The following LRRC4C variants were observed in gnomAD, a reference collection of about 807,000 sequenced individuals.
The protein encoded by LRRC4C is leucine rich repeat containing 4C, also known as leucine-rich repeat-containing protein 4C.
Under a neutral mutation model 33.6 loss-of-function variants are expected in LRRC4C, and 5 were observed. That is an observed-to-expected ratio of 0.15 (90% confidence interval 0.08 to 0.31). The LOEUF (loss-of-function observed/expected upper bound fraction) is 0.31, where lower values mean the gene tolerates loss of function less well. Among genes scored for constraint, LRRC4C ranks in the 10% least tolerant of loss-of-function variants. The pLI is 1.00. For missense variants in LRRC4C, 560 were observed against 796.7 expected (o/e 0.70, Z 3.58); for synonymous variants, 329 against 302.0 (o/e 1.09, Z -0.93).
At chr11:41,158,949 C>T (rs752040419) in intron 1 of LRRC4C, among the ~76,000 whole-genome samples, 2 of 151,980 alleles carry the variant, frequency 1.3e-5, no homozygotes, top group Non-Finnish European at 2.9e-5. Flanking sequence ...AGAAATAAGA[C>T]AAAAGGAAAT....
intron 2 of LRRC4C, among the ~76,000 whole-genome samples, chr11:40,781,173 T>C (rs946033056): frequency 1.3e-5 from 2 of 152,080 alleles, no homozygotes; most frequent in Non-Finnish European, 2.9e-5. Flanking sequence ...ATGGTAAATA[T>C]TTGTGTATCT....
In LRRC4C at chr11:40,342,032, A is replaced by G. The variant is rs150284122; in HGVS notation, c.-269-22311T>C. On this transcript the variant is annotated intron_variant, in intron 3 of 6. Transcript: ENST00000528697. ...AAAACAAAATAAGTCTTTTTAAAGA[A>G]AATACAGCAAAGCTTATCTGTAGCC... Among the ~76,000 whole-genome samples the G allele has an allele frequency of 1.5e-3, 223 of 152,208 alleles. 3 individuals are homozygous for G. In the East Asian group the frequency reaches 0.036, roughly 25 times the overall value.
chr11:40,909,085 A>G (rs1956552363), intron 2 of LRRC4C, among the ~76,000 whole-genome samples: 1 of 152,080 alleles, frequency 6.6e-6, no homozygotes, highest in Admixed American at 6.5e-5. Flanking sequence ...TATATAACAG[A>G]CATTTAACAT....
At chr11:40,298,496 C>A (rs1339285409) in intron 4 of LRRC4C, among the ~76,000 whole-genome samples, 1 of 150,530 alleles carries the variant, frequency 6.6e-6, no homozygotes, top group Non-Finnish European at 1.5e-5. Flanking sequence ...TTGGCAATGG[C>A]AGAAATCCAA....
chr11:40,127,032 C>G (rs142588340), intron 6 of LRRC4C, among the ~76,000 whole-genome samples: 2 of 151,986 alleles, frequency 1.3e-5, no homozygotes, highest in East Asian at 3.9e-4. Context: ...ATAATCCCAG[C>G]ACTTTGGAAG....
At chr11:41,306,518 G>A (rs1950509695) in intron 1 of LRRC4C, among the ~76,000 whole-genome samples, 1 of 152,184 alleles carries the variant, frequency 6.6e-6, no homozygotes, top group African/African-American at 2.4e-5. Context: ...AATACACACT[G>A]CGCATATACT....
chr11:40,249,479 G>T (rs1866605858), intron 4 of LRRC4C, among the ~76,000 whole-genome samples: 1 of 151,448 alleles, frequency 6.6e-6, no homozygotes, highest in Non-Finnish European at 1.5e-5. Context: ...ATTAAAGATG[G>T]ATTCAAAGGT....
intron 1 of LRRC4C, among the ~76,000 whole-genome samples, chr11:41,298,782 C>T (rs902440899): frequency 1.3e-5 from 2 of 151,226 alleles, no homozygotes; most frequent in South Asian, 2.1e-4. Flanking sequence ...TTTCTCATCT[C>T]CCACCCACCC....
At chr11:40,569,568 GTA>G (rs149216761) in intron 3 of LRRC4C, among the ~76,000 whole-genome samples, 10 of 151,528 alleles carry the variant, frequency 6.6e-5, no homozygotes, top group Non-Finnish European at 1.2e-4. Context: ...GTTTATGCGT[GTA>G]TATATATATA....
At chr11:40,988,026 A>G (rs1853199574) in intron 1 of LRRC4C, among the ~76,000 whole-genome samples, 1 of 152,096 alleles carries the variant, frequency 6.6e-6, no homozygotes, top group African/African-American at 2.4e-5. Context: ...TGCAAAGGTA[A>G]CTGACCTCAC....
chr11:41,125,068 G>A (rs1942669574), intron 1 of LRRC4C, among the ~76,000 whole-genome samples: 1 of 152,060 alleles, frequency 6.6e-6, no homozygotes, highest in South Asian at 2.1e-4. Context: ...TGATTCTCAA[G>A]GACACAAGGA....
At chr11:40,149,833 A>G (rs1443488922) in intron 5 of LRRC4C, among the ~76,000 whole-genome samples, 5 of 152,176 alleles carry the variant, frequency 3.3e-5, no homozygotes, top group Non-Finnish European at 5.9e-5. Context: ...TATGGGGAAG[A>G]AATAGGCCAG....
chr11:40,696,752 A>ATATATATATCTGAG (rs1565645967), intron 2 of LRRC4C, among the ~76,000 whole-genome samples: 54 of 118,338 alleles, frequency 4.6e-4, no homozygotes, highest in South Asian at 3.2e-3. Flanking sequence ...CACTGTGTAT[A>ATATATATATCTGAG]TATATATATA....
intron 4 of LRRC4C, among the ~76,000 whole-genome samples, chr11:40,310,973 T>G (rs569215014): frequency 5.4e-4 from 83 of 152,336 alleles, no homozygotes; most frequent in African/African-American, 1.8e-3. Flanking sequence ...CTGAGGTGGT[T>G]CTTAGTTCAA....
At position 40,114,363 on chromosome 11, in the gene LRRC4C, A is replaced by AAATGTTTT; in HGVS notation, c.1922_*6dup. 1 of 1,573,986 alleles carries AAATGTTTT rather than the reference A, an allele frequency of 6.4e-7. No homozygotes were observed. Among genetic ancestry groups the AAATGTTTT allele is most frequent in the Non-Finnish European group, 8.6e-7 (1 of 1,160,614 alleles). ...GATTGTTTGTTTTTTGTAACTCTGT[A>AAATGTTTT]AATGTTTTAGATTTGAGTCTCTTGT... On this transcript the variant is annotated 3_prime_UTR_variant, in exon 7 of 7. Coordinates refer to ENST00000528697, the MANE Select transcript of LRRC4C (RefSeq NM_001258419.2).
chr11:40,281,371 A>G (rs1295382496), intron 4 of LRRC4C, among the ~76,000 whole-genome samples: 2 of 152,148 alleles, frequency 1.3e-5, no homozygotes, highest in Admixed American at 1.3e-4. Context: ...AGATCAGCTA[A>G]CTAAGCTATG....
At chr11:40,567,043 G>A (rs1957794079) in intron 3 of LRRC4C, among the ~76,000 whole-genome samples, 2 of 152,006 alleles carry the variant, frequency 1.3e-5, no homozygotes, top group Admixed American at 6.6e-5. Context: ...CAGAGGCTTT[G>A]TATTACTTTT....
intron 1 of LRRC4C, among the ~76,000 whole-genome samples, chr11:41,346,119 C>T (rs1448000447): frequency 1.3e-5 from 2 of 152,108 alleles, no homozygotes; most frequent in Non-Finnish European, 2.9e-5. Context: ...AAATTATATT[C>T]TATATCAGGC....
chr11:40,944,874 A>G (rs1414525723), intron 1 of LRRC4C, among the ~76,000 whole-genome samples: 1 of 152,180 alleles, frequency 6.6e-6, no homozygotes, highest in East Asian at 1.9e-4. Context: ...GAGAAAACAA[A>G]TTATAAAAAT....
Sources: gnomAD v4.1 joint callset for allele counts (sites outside exome capture counted in the v4.1 genomes callset) on GRCh38, gnomAD v4.1.1 for gene constraint, MANE v1.5 for transcripts, NCBI Gene and HGNC (gene_info 2026-07-23, HGNC 2026-07-21) for gene names.